ROR2: variants seen among roughly 807,000 people sequenced by gnomAD.
The protein encoded by ROR2 is ROR family WNT receptor 2.
Under a neutral mutation model 74.9 loss-of-function variants are expected in ROR2, and 33 were observed. The ratio of observed to expected loss-of-function variants is 0.44; its 90% CI spans 0.33 to 0.59. The LOEUF (loss-of-function observed/expected upper bound fraction) is 0.59, where lower values mean the gene tolerates loss of function less well. ROR2 is among the 20% of genes least tolerant of loss of function. ROR2 has a pLI of 0.02. For missense variants in ROR2, 1,216 were observed against 1,313.8 expected, an observed-to-expected ratio of 0.93 and a Z score of 1.15; for synonymous variants, 586 against 558.7, an observed-to-expected ratio of 1.05 and a Z score of -0.69.
chr9:91,796,614 C>T (rs1027321586), intron 1 of ROR2, among the ~76,000 whole-genome samples: 1 of 152,090 alleles, frequency 6.6e-6, no homozygotes, highest in Non-Finnish European at 1.5e-5. Context: ...GGGTGGGACG[C>T]TGACGCCCTG....
At chr9:91,911,144 T>G (rs1261907916) in intron 1 of ROR2, among the ~76,000 whole-genome samples, 1 of 152,222 alleles carries the variant, frequency 6.6e-6, no homozygotes, top group African/African-American at 2.4e-5. Flanking sequence ...CACCACCTGT[T>G]CCTTTGAAAA....
chr9:91,792,490 A>G (rs1186102159), intron 1 of ROR2, among the ~76,000 whole-genome samples: 1 of 151,994 alleles, frequency 6.6e-6, no homozygotes, highest in South Asian at 2.1e-4. Context: ...TTGTACTTTT[A>G]GTAGACACTG....
intron 2 of ROR2, among the ~76,000 whole-genome samples, chr9:91,772,148 A>G (rs1826253434): frequency 6.6e-6 from 1 of 152,224 alleles, no homozygotes; most frequent in South Asian, 2.1e-4. Flanking sequence ...CCATTTGTGC[A>G]GGAGCAAGAA....
chr9:91,740,556 G>T (rs4604505), intron 4 of ROR2, among the ~76,000 whole-genome samples: 1 of 142,086 alleles, frequency 7.0e-6, no homozygotes, highest in Non-Finnish European at 1.5e-5. Context: ...TGTTTCGGGC[G>T]GGGGGGGGAA....
rs754344192 is a variant in ROR2 at position 91,724,697 on chromosome 9, G to A, written c.1797C>T (p.Ile599=). The A allele has an allele frequency of 1.5e-5, 25 of 1,614,098 alleles. No homozygotes were observed. Among genetic ancestry groups the A allele is most frequent in the Middle Eastern group, 1.6e-4 (1 of 6,084 alleles). The part of the protein sequence containing the change: ...PPDFVHLVAQ[I]AAGMEYLSSH... ...TGGATAGGTACTCCATCCCCGCCGC[G>A]ATCTGTGCCACAAGGTGCACGAAGT... The change falls in exon 9 of 9, where the codon ATC becomes ATT. Residue 599 remains isoleucine, a synonymous_variant. Transcript: ENST00000375708.
intron 1 of ROR2, among the ~76,000 whole-genome samples, chr9:91,922,128 CAACAACAACAAA>C (rs1831285707): frequency 6.8e-6 from 1 of 147,632 alleles, no homozygotes; most frequent in Non-Finnish European, 1.5e-5. Flanking sequence ...CAACAACAAA[CAACAACAACAAA>C]AACAGAAAAC....
chr9:91,842,744 T>G (rs1280460284), intron 1 of ROR2, among the ~76,000 whole-genome samples: 2 of 152,158 alleles, frequency 1.3e-5, no homozygotes, highest in Non-Finnish European at 2.9e-5. Context: ...GCCACCCCCC[T>G]CCTCCTTTCC....
chr9:91,925,393 G>A (rs534404237), intron 1 of ROR2, among the ~76,000 whole-genome samples: 43 of 152,062 alleles, frequency 2.8e-4, no homozygotes, highest in African/African-American at 9.6e-4. Flanking sequence ...CCCCCAGCTC[G>A]GCAAGCTCTG....
intron 1 of ROR2, among the ~76,000 whole-genome samples, chr9:91,849,013 C>T (rs1306599416): frequency 6.6e-6 from 1 of 152,096 alleles, no homozygotes; most frequent in East Asian, 1.9e-4. Context: ...TTCCCCAGCC[C>T]TAAGTGCAGT....
intron 1 of ROR2, among the ~76,000 whole-genome samples, chr9:91,919,192 A>C (rs1346450746): frequency 6.6e-6 from 1 of 152,228 alleles, no homozygotes; most frequent in Non-Finnish European, 1.5e-5. Flanking sequence ...TTAAATGGGC[A>C]CTTAATAAAC....
At chr9:91,857,735 T>TC (rs1334126247) in intron 1 of ROR2, among the ~76,000 whole-genome samples, 4 of 151,788 alleles carry the variant, frequency 2.6e-5, no homozygotes, top group Non-Finnish European at 4.4e-5. Flanking sequence ...CTCCGCCCCC[T>TC]CCCCACAGCT....
intron 1 of ROR2, among the ~76,000 whole-genome samples, chr9:91,789,663 T>C (rs1210981409): frequency 3.9e-5 from 6 of 152,088 alleles, no homozygotes; most frequent in Non-Finnish European, 1.5e-5. Context: ...ATGAAGTCAC[T>C]AAGAAAATAA....
At chr9:91,802,179 T>C (rs1156819527) in intron 1 of ROR2, among the ~76,000 whole-genome samples, 1 of 148,372 alleles carries the variant, frequency 6.7e-6, no homozygotes, top group African/African-American at 2.5e-5. Flanking sequence ...GTTCACGCCA[T>C]TCTCCTGCCT....
At chr9:91,794,576 T>C (rs1312070015) in intron 1 of ROR2, among the ~76,000 whole-genome samples, 1 of 152,280 alleles carries the variant, frequency 6.6e-6, no homozygotes, top group East Asian at 1.9e-4. Context: ...CATTTAGGCA[T>C]TTCTTTTTGT....
chr9:91,873,779 C>T (rs1829874423), intron 1 of ROR2, among the ~76,000 whole-genome samples: 1 of 152,116 alleles, frequency 6.6e-6, no homozygotes, highest in Non-Finnish European at 1.5e-5. Context: ...TATCCAGCGC[C>T]GAGCAGCTGA....
chr9:91,889,465 G>A (rs914728731), intron 1 of ROR2, among the ~76,000 whole-genome samples: 7 of 152,132 alleles, frequency 4.6e-5, no homozygotes, highest in African/African-American at 2.4e-5. Context: ...GGGGTGCCTC[G>A]GCGTCTCTGT....
chr9:91,802,360 G>A (rs1417692529), intron 1 of ROR2, among the ~76,000 whole-genome samples: 1 of 152,144 alleles, frequency 6.6e-6, no homozygotes, highest in Non-Finnish European at 1.5e-5. Context: ...ACAGGCGTGA[G>A]CCACCGCGCC....
At chr9:91,821,694 C>G (rs1368268778) in intron 1 of ROR2, among the ~76,000 whole-genome samples, 2 of 152,224 alleles carry the variant, frequency 1.3e-5, no homozygotes, top group Non-Finnish European at 2.9e-5. Context: ...CCTCAAACAT[C>G]ATCTTGGCTC....
chr9:91,925,734 G>C (rs1831379863), intron 1 of ROR2, among the ~76,000 whole-genome samples: 1 of 152,132 alleles, frequency 6.6e-6, no homozygotes, highest in Non-Finnish European at 1.5e-5. Flanking sequence ...TTGCCAGAGA[G>C]CCAGAGAGAA....
Sources: allele counts gnomAD v4.1 joint callset (sites outside exome capture counted in the v4.1 genomes callset), GRCh38; gene constraint gnomAD v4.1.1; transcripts MANE v1.5; gene names NCBI Gene and HGNC (gene_info 2026-07-23, HGNC 2026-07-21).